SEMA3A: variants seen among roughly 807,000 people sequenced by gnomAD.
The protein encoded by SEMA3A is semaphorin-3A.
Under a neutral mutation model 97.9 loss-of-function variants are expected in SEMA3A, and 29 were observed. The observed-to-expected ratio is 0.30, with a 90% CI of 0.22 to 0.40. The LOEUF (loss-of-function observed/expected upper bound fraction) is 0.40, where lower values mean the gene tolerates loss of function less well. Ranked by LOEUF, SEMA3A falls within the 10% of genes least tolerant of loss-of-function variation. The probability of loss-of-function intolerance (pLI) is 1.00; values close to 1 mark genes in which losing one functional copy is unlikely to be tolerated. For missense variants in SEMA3A, 763 were observed against 951.3 expected (o/e 0.80, Z 2.60); for synonymous variants, 321 against 323.7 (o/e 0.99, Z 0.09).
intron 1 of SEMA3A, among the ~76,000 whole-genome samples, chr7:84,476,554 T>C (rs770967150): frequency 6.6e-6 from 1 of 151,956 alleles, no homozygotes; most frequent in Non-Finnish European, 1.5e-5. Context: ...CCTACAACAT[T>C]GTAGGCATTC....
At chr7:84,422,318 GTA>G (rs1714463032) in intron 1 of SEMA3A, among the ~76,000 whole-genome samples, 1 of 151,998 alleles carries the variant, frequency 6.6e-6, no homozygotes, top group South Asian at 2.1e-4. Flanking sequence ...GGTGTTTATA[GTA>G]TTCTCGGATG....
intron 3 of SEMA3A, among the ~76,000 whole-genome samples, chr7:84,252,358 A>G (rs751684210): frequency 6.2e-4 from 94 of 152,238 alleles, no homozygotes; most frequent in Non-Finnish European, 9.3e-4. Flanking sequence ...TTCGTAGTCA[A>G]ATAGAAGGGT....
intron 2 of SEMA3A, among the ~76,000 whole-genome samples, chr7:84,369,094 T>C (rs1802916464): frequency 6.6e-6 from 1 of 150,930 alleles, no homozygotes; most frequent in Non-Finnish European, 1.5e-5. Context: ...TGAATCCCAG[T>C]GGAAATCAAA....
chr7:84,064,585 C>A (rs1793399860), intron 4 of SEMA3A, among the ~76,000 whole-genome samples: 3 of 151,468 alleles, frequency 2.0e-5, no homozygotes, highest in Admixed American at 1.3e-4. Context: ...ATCTACCAAG[C>A]AAATGGAAAA....
chr7:84,149,835 C>T (rs1796574515), intron 1 of SEMA3A, among the ~76,000 whole-genome samples: 1 of 152,076 alleles, frequency 6.6e-6, no homozygotes, highest in South Asian at 2.1e-4. Flanking sequence ...AGTTTGAAGG[C>T]AGAGAATAAC....
intron 1 of SEMA3A, among the ~76,000 whole-genome samples, chr7:84,471,232 T>G (rs767758262): frequency 6.6e-6 from 1 of 151,156 alleles, no homozygotes; most frequent in African/African-American, 2.4e-5. Context: ...TAAACTGATA[T>G]AAACTATGTT....
chr7:84,263,963 A>G (rs541601429), intron 3 of SEMA3A, among the ~76,000 whole-genome samples: 1 of 152,350 alleles, frequency 6.6e-6, no homozygotes, highest in South Asian at 2.1e-4. Context: ...AAACTGTTAT[A>G]TGTAAAATAT....
At chr7:84,323,037 G>C (rs1801688131) in intron 2 of SEMA3A, among the ~76,000 whole-genome samples, 1 of 152,182 alleles carries the variant, frequency 6.6e-6, no homozygotes, top group Non-Finnish European at 1.5e-5. Context: ...AACCTGTAAA[G>C]TGAGGAAAAT....
intron 1 of SEMA3A, among the ~76,000 whole-genome samples, chr7:84,398,213 T>A (rs369977267): frequency 6.6e-6 from 1 of 152,274 alleles, no homozygotes; most frequent in South Asian, 2.1e-4. Context: ...CAGAACTAAT[T>A]TTCATTCCAC....
intron 1 of SEMA3A, among the ~76,000 whole-genome samples, chr7:84,407,371 C>G (rs1385831953): frequency 3.9e-5 from 6 of 152,040 alleles, no homozygotes; most frequent in African/African-American, 7.3e-5. Flanking sequence ...GAACTACAAA[C>G]CACTGCTCAA....
At chr7:84,126,706 T>C (rs1795808388) in intron 3 of SEMA3A, among the ~76,000 whole-genome samples, 1 of 152,190 alleles carries the variant, frequency 6.6e-6, no homozygotes, top group Admixed American at 6.5e-5. Context: ...TTAATAGATT[T>C]TTGTTTGTTC....
At chr7:84,019,663 T>C (rs1299014551) in intron 6 of SEMA3A, among the ~76,000 whole-genome samples, 1 of 152,172 alleles carries the variant, frequency 6.6e-6, no homozygotes, top group East Asian at 1.9e-4. Flanking sequence ...AATGGGTACA[T>C]GTATATATCC....
chr7:83,994,688 T>C (rs544265236), intron 12 of SEMA3A, among the ~76,000 whole-genome samples: 3 of 148,188 alleles, frequency 2.0e-5, no homozygotes, highest in Non-Finnish European at 1.5e-5. Flanking sequence ...GATCTCCAGC[T>C]GCGTGCTGGG....
chr7:84,156,116 T>C (rs1218925390), intron 1 of SEMA3A, among the ~76,000 whole-genome samples: 1 of 152,136 alleles, frequency 6.6e-6, no homozygotes, highest in East Asian at 1.9e-4. Context: ...TAACAAGTCA[T>C]ATTTTGTTTT....
chr7:84,143,252 C>G (rs1796352261), intron 1 of SEMA3A, among the ~76,000 whole-genome samples: 1 of 151,986 alleles, frequency 6.6e-6, no homozygotes, highest in South Asian at 2.1e-4. Flanking sequence ...TGTACTCTAT[C>G]CCCTTCCTTT....
chr7:84,233,489 AG>A (rs1799163545), intron 3 of SEMA3A, among the ~76,000 whole-genome samples: 1 of 152,036 alleles, frequency 6.6e-6, no homozygotes, highest in Non-Finnish European at 1.5e-5. Context: ...AAAATTTCAC[AG>A]GAAAATTCAC....
chr7:84,078,143 A>G (rs1794016564), intron 4 of SEMA3A, among the ~76,000 whole-genome samples: 1 of 152,046 alleles, frequency 6.6e-6, no homozygotes, highest in Non-Finnish European at 1.5e-5. Flanking sequence ...TCTATTTTAA[A>G]TACTTTTTAC....
chr7:84,321,791 GT>G (rs1044422924), intron 2 of SEMA3A, among the ~76,000 whole-genome samples: 1 of 148,516 alleles, frequency 6.7e-6, no homozygotes, highest in African/African-American at 2.5e-5. Flanking sequence ...CAGGTGAATC[GT>G]GTGAACCGGG....
chr7:84,390,596 C>T (rs986464159), intron 1 of SEMA3A, among the ~76,000 whole-genome samples: 4 of 151,820 alleles, frequency 2.6e-5, no homozygotes, highest in Admixed American at 1.3e-4. Context: ...TAAAATCATG[C>T]GTAAGATTCT....
Sources: allele counts gnomAD v4.1 joint callset (sites outside exome capture counted in the v4.1 genomes callset), GRCh38; gene constraint gnomAD v4.1.1; transcripts MANE v1.5; gene names NCBI Gene and HGNC (gene_info 2026-07-23, HGNC 2026-07-21).